The following DMD variants were observed in gnomAD, a reference collection of about 807,000 sequenced individuals.
The protein encoded by DMD is mutant dystrophin.
A neutral mutation model predicts 330.1 loss-of-function variants in DMD; 63 were observed. The ratio of observed to expected loss-of-function variants is 0.19; its 90% confidence interval spans 0.16 to 0.24. The LOEUF is 0.24. DMD is among the 10% of genes least tolerant of loss of function. The pLI, the probability that DMD is intolerant of heterozygous loss-of-function variation, is 1.00. For synonymous variants in DMD, 1,223 were observed against 959.8 expected (o/e 1.27, Z -5.07); for missense variants, 3,344 against 2,684.1 (o/e 1.25, Z -5.43).
intron 2 of DMD, among the ~76,000 whole-genome samples, chrX:32,988,052 TTTTC>T (rs1230601695): frequency 2.7e-5 from 3 of 110,685 alleles, no homozygotes; most frequent in African/African-American, 9.9e-5. Flanking sequence ...TTAATATCGG[TTTTC>T]TTTTTTTACA....
At position 33,085,200 on chromosome X, in the gene DMD, T is replaced by A. The variant is rs774641319; in HGVS notation, c.32-65000A>T. 5.5e-4 allele frequency among the ~76,000 whole-genome samples: 62 copies of A among 111,827 alleles called. 1 individual carries two copies. Among genetic ancestry groups the A allele is most frequent in the Non-Finnish European group, 1.0e-3 (55 of 53,157 alleles). On this transcript the variant is annotated intron_variant, in intron 1 of 78. Coordinates refer to ENST00000357033, the MANE Select transcript of DMD (RefSeq NM_004006.3). The stretch of plus-strand genomic sequence containing the variant: ...AACTTGTTTGGTGAAAAATGGAATA[T>A]GGCCTGAAAACATAACAACAACTTC...
chrX:32,724,228 C>T (rs752937878), intron 7 of DMD, among the ~76,000 whole-genome samples: 1 of 111,344 alleles, frequency 9.0e-6, no homozygotes, highest in Non-Finnish European at 1.9e-5. Context: ...ATAATAAACT[C>T]TAAATTAAAT....
chrX:32,129,463 A>G (rs1323664777), intron 44 of DMD, among the ~76,000 whole-genome samples: 1 of 111,181 alleles, frequency 9.0e-6, no homozygotes, highest in African/African-American at 3.3e-5. Flanking sequence ...GTACAAAATT[A>G]AAATCCTACA....
intron 2 of DMD, among the ~76,000 whole-genome samples, chrX:32,935,255 G>A (rs1426779101): frequency 1.8e-5 from 2 of 112,741 alleles, no homozygotes; most frequent in Admixed American, 9.3e-5. Flanking sequence ...TGGGATTACA[G>A]GCGTGAGCCA....
Position 33,193,180 on chromosome X carries a change from G to A in DMD, c.31+18102C>T, listed in dbSNP as rs1003484968. Among the ~76,000 whole-genome samples, 11 of 111,251 alleles carry A rather than the reference G, an allele frequency of 9.9e-5. No individual in the cohort carries two copies. In the East Asian group the frequency reaches 2.3e-3, roughly 23 times the overall value. ...AAATTAGGCGGGCATGGTGGGACCCGCCTGTAATCCCAGTTACTCAGGAGG... is the reference window on the plus strand; with the variant it reads ...AAATTAGGCGGGCATGGTGGGACCCACCTGTAATCCCAGTTACTCAGGAGG... On this transcript the variant is annotated intron_variant, in intron 1 of 78. Transcript: ENST00000357033.
intron 60 of DMD, among the ~76,000 whole-genome samples, chrX:31,387,002 CA>C (rs1257539180): frequency 2.7e-5 from 3 of 111,559 alleles, no homozygotes; most frequent in African/African-American, 9.8e-5. Context: ...GTTATGAAGC[CA>C]AACACAGTGA....
chrX:31,608,950 A>T (rs945838190), intron 55 of DMD, among the ~76,000 whole-genome samples: 1 of 111,939 alleles, frequency 8.9e-6, no homozygotes. Context: ...GCTACATAAC[A>T]GTTTCTTTAA....
chrX:32,068,374 ATTTTTTTTT>A (rs749610367), intron 44 of DMD, among the ~76,000 whole-genome samples: 1 of 64,318 alleles, frequency 1.6e-5, no homozygotes, highest in Non-Finnish European at 3.0e-5. Flanking sequence ...CTTGCTTGTC[ATTTTTTTTT>A]TTTTTTTTTT....
chrX:32,409,071 G>A (rs185941089), intron 30 of DMD, among the ~76,000 whole-genome samples: 39 of 111,005 alleles, frequency 3.5e-4, no homozygotes, highest in East Asian at 2.3e-3. Flanking sequence ...TGGGAATTTC[G>A]AGCTGCTTTT....
chrX:32,836,114 C>T (rs1262427529), intron 4 of DMD, among the ~76,000 whole-genome samples: 2 of 110,009 alleles, frequency 1.8e-5, no homozygotes, highest in African/African-American at 6.6e-5. Context: ...TCAGTGCAAC[C>T]TCCGCCTCAT....
At chrX:32,217,649 T>C (rs2097117632) in intron 43 of DMD, among the ~76,000 whole-genome samples, 1 of 109,979 alleles carries the variant, frequency 9.1e-6, no homozygotes, top group Non-Finnish European at 1.9e-5. Context: ...TTAAATTTTC[T>C]CACCACAGAG....
chrX:31,785,493 T>C (rs1376267650), intron 50 of DMD, among the ~76,000 whole-genome samples: 1 of 112,081 alleles, frequency 8.9e-6, no homozygotes, highest in African/African-American at 3.2e-5. Flanking sequence ...CTGGGATACA[T>C]GTGCAGAATG....
intron 51 of DMD, among the ~76,000 whole-genome samples, chrX:31,753,691 A>C (rs2088803626): frequency 8.9e-6 from 1 of 111,782 alleles, no homozygotes; most frequent in Admixed American, 9.6e-5. Flanking sequence ...TCAAATTCTG[A>C]ATTTTTAAAA....
At chrX:32,096,465 C>T (rs986267267) in intron 44 of DMD, among the ~76,000 whole-genome samples, 3 of 109,377 alleles carry the variant, frequency 2.7e-5, no homozygotes, top group Non-Finnish European at 5.7e-5. Context: ...ATTATATTAC[C>T]AACAAAAAAC....
intron 1 of DMD, among the ~76,000 whole-genome samples, chrX:33,135,304 C>T (rs1225023859): frequency 8.9e-6 from 1 of 112,088 alleles, no homozygotes; most frequent in Non-Finnish European, 1.9e-5. Context: ...CAAACATCTA[C>T]TTCATGTTTC....
intron 2 of DMD, among the ~76,000 whole-genome samples, chrX:33,004,661 C>G (rs2093357528): frequency 9.1e-6 from 1 of 110,343 alleles, no homozygotes; most frequent in Non-Finnish European, 1.9e-5. Flanking sequence ...TTATCCAACT[C>G]CAGAAAAAAA....
At chrX:33,017,447 G>C (rs1303137075) in intron 2 of DMD, among the ~76,000 whole-genome samples, 1 of 111,134 alleles carries the variant, frequency 9.0e-6, no homozygotes. Flanking sequence ...TTTTATAGTT[G>C]TATGAATGTG....
chrX:32,131,039 G>A (rs2096690821), intron 44 of DMD, among the ~76,000 whole-genome samples: 1 of 110,597 alleles, frequency 9.0e-6, no homozygotes, highest in South Asian at 3.9e-4. Flanking sequence ...ACAAAAATTA[G>A]CCAGGCATGG....
At chrX:31,310,176 CCTCT>C (rs3032536) in intron 62 of DMD, among the ~76,000 whole-genome samples, 7,167 of 91,336 alleles carry the variant, frequency 0.078, 298 homozygotes, top group East Asian at 0.24. Context: ...TCTTCGTTGT[CCTCT>C]CTCTCTCTCT....
Sources: allele counts gnomAD v4.1 joint callset (sites outside exome capture counted in the v4.1 genomes callset), GRCh38; gene constraint gnomAD v4.1.1; transcripts MANE v1.5; gene names NCBI Gene and HGNC (gene_info 2026-07-23, HGNC 2026-07-21).